Variants in SH3KBP1 observed in about 807,000 individuals in gnomAD.
SH3KBP1 encodes the protein SH3 domain containing kinase binding protein 1, also known as SH3 domain-containing kinase-binding protein 1.
Under a neutral mutation model 50.1 loss-of-function variants are expected in SH3KBP1, and 8 were observed. That is an observed-to-expected ratio of 0.16 (90% CI 0.09 to 0.29). The LOEUF is 0.29. SH3KBP1 is among the 10% of genes least tolerant of loss of function. The probability of loss-of-function intolerance (pLI) is 1.00; values close to 1 mark genes in which losing one functional copy is unlikely to be tolerated. For missense variants in SH3KBP1, 377 were observed against 535.2 expected (o/e 0.70, Z 2.92); for synonymous variants, 227 against 218.6 (o/e 1.04, Z -0.34).
intron 4 of SH3KBP1, 123 bp downstream of exon 4, chrX:19,706,758 G>A: frequency 2.0e-6 from 1 of 510,481 alleles, no homozygotes. Flanking sequence ...GACTCAACTA[G>A]AGGATCCCTA....
chrX:19,713,200 G>A (rs763579621), intron 3 of SH3KBP1, among the ~76,000 whole-genome samples: 30 of 110,839 alleles, frequency 2.7e-4, no homozygotes, highest in Admixed American at 2.6e-3. Flanking sequence ...CTGGATAACA[G>A]AGCGAGACTC....
chrX:19,618,385 CAAAAAAAAAAAA>C (rs1169013925), intron 8 of SH3KBP1, among the ~76,000 whole-genome samples: 2 of 18,217 alleles, frequency 1.1e-4, no homozygotes, highest in Non-Finnish European at 2.3e-4. Flanking sequence ...GACTCTGTCT[CAAAAAAAAAAAA>C]AAAAAAAAAA....
intron 2 of SH3KBP1, among the ~76,000 whole-genome samples, chrX:19,774,654 A>AAAAGAAAGAAAGAAAGAAAGAAAG (rs3999801): frequency 1.4e-4 from 11 of 77,281 alleles, no homozygotes; most frequent in South Asian, 1.4e-3. Context: ...GTCTCAAAAA[A>AAAAGAAAGAAAGAAAGAAAGAAAG]AAAGAAAGAA....
intron 10 of SH3KBP1, among the ~76,000 whole-genome samples, chrX:19,593,157 T>C (rs142403167): frequency 4.2e-4 from 47 of 112,149 alleles, no homozygotes; most frequent in South Asian, 7.5e-4. Flanking sequence ...GCCTCAGGCA[T>C]GTAAGAGCAC....
chrX:19,758,327 C>CA (rs60332447), intron 2 of SH3KBP1, among the ~76,000 whole-genome samples: 763 of 37,368 alleles, frequency 0.02, 23 homozygotes, highest in East Asian at 0.04. Flanking sequence ...GACTTCGTTT[C>CA]AAAAAAAAAA....
At chrX:19,659,455 G>A (rs1177834266) in intron 6 of SH3KBP1, among the ~76,000 whole-genome samples, 2 of 109,814 alleles carry the variant, frequency 1.8e-5, no homozygotes, top group African/African-American at 6.7e-5. Flanking sequence ...CTAGAGACAG[G>A]GTCTCACTAT....
intron 7 of SH3KBP1, among the ~76,000 whole-genome samples, chrX:19,633,801 C>G (rs1284313043): frequency 1.8e-5 from 2 of 111,811 alleles, no homozygotes; most frequent in African/African-American, 6.5e-5. Context: ...AGACATTCCC[C>G]ACCCTCTTCC....
At chrX:19,704,466 T>C (rs2063607729) in intron 4 of SH3KBP1, among the ~76,000 whole-genome samples, 2 of 112,987 alleles carry the variant, frequency 1.8e-5, no homozygotes, top group Admixed American at 9.3e-5. Context: ...AAAGTTATCT[T>C]CTATGACAGA....
intron 1 of SH3KBP1, among the ~76,000 whole-genome samples, chrX:19,857,258 G>C (rs941817077): frequency 1.8e-5 from 2 of 110,106 alleles, no homozygotes; most frequent in African/African-American, 6.6e-5. Flanking sequence ...GAGCAGAGAG[G>C]AAGTATAACT....
intron 11 of SH3KBP1, 26 bp downstream of exon 11, chrX:19,592,041 G>A (rs2066763726): frequency 8.9e-7 from 1 of 1,122,751 alleles, no homozygotes; most frequent in Non-Finnish European, 1.2e-6. Flanking sequence ...TGTTCTGGAA[G>A]TGCCAATGAA....
intron 2 of SH3KBP1, among the ~76,000 whole-genome samples, chrX:19,822,268 C>A (rs1044820911): frequency 1.8e-5 from 2 of 111,823 alleles, no homozygotes; most frequent in African/African-American, 3.2e-5. Flanking sequence ...ATTATCATAA[C>A]CTTCTTTTCT....
chrX:19,645,334 A>C, intron 7 of SH3KBP1, 66 bp downstream of exon 7: 1 of 884,877 alleles, frequency 1.1e-6, no homozygotes, highest in South Asian at 2.1e-5. Flanking sequence ...TTTCTAAAAA[A>C]CATTTCTGTT....
chrX:19,585,476 C>A (rs2066535039), intron 12 of SH3KBP1, among the ~76,000 whole-genome samples: 1 of 111,885 alleles, frequency 8.9e-6, no homozygotes, highest in South Asian at 3.7e-4. Flanking sequence ...TGGGGCCCAG[C>A]ACTAGGCTAA....
chrX:19,856,387 G>A (rs2068643008), intron 1 of SH3KBP1, among the ~76,000 whole-genome samples: 1 of 111,855 alleles, frequency 8.9e-6, no homozygotes, highest in African/African-American at 3.3e-5. Context: ...CATATAAGGA[G>A]CTAAAAAGTA....
intron 2 of SH3KBP1, among the ~76,000 whole-genome samples, chrX:19,831,514 G>A (rs1403691627): frequency 1.9e-5 from 2 of 108,044 alleles, no homozygotes; most frequent in Middle Eastern, 4.2e-3. Context: ...ATTCCTGACC[G>A]GGTGTGGTGG....
At chrX:19,730,497 G>A (rs1242828921) in intron 3 of SH3KBP1, among the ~76,000 whole-genome samples, 1 of 111,304 alleles carries the variant, frequency 9.0e-6, no homozygotes, top group African/African-American at 3.3e-5. Context: ...GCCCTAGGGA[G>A]AAAAGAAGGG....
intron 2 of SH3KBP1, among the ~76,000 whole-genome samples, chrX:19,774,710 G>GAAAGAAAGA (rs1321157215): frequency 4.9e-5 from 5 of 102,970 alleles, no homozygotes; most frequent in South Asian, 4.3e-4. Flanking sequence ...AAGAAAGAAA[G>GAAAGAAAGA]AAGAAACCTA....
Position 19,781,192 on chromosome X carries a change from T to C in SH3KBP1, c.163-34751A>G, listed in dbSNP as rs76357908. On this transcript the variant is annotated intron_variant, in intron 2 of 17. Transcript: ENST00000397821. ...CAATATAGCAGATACAATGTACCAG[T>C]ATGTCTAAGTCTAATATAGAGAATG... 4.3e-4 allele frequency among the ~76,000 whole-genome samples: 48 copies of C among 111,764 alleles called. No individual in the cohort carries two copies. In the East Asian group the frequency reaches 0.013, roughly 30 times the overall value.
chrX:19,588,947 T>C (rs908563085), intron 11 of SH3KBP1, 145 bp from the exon 12 acceptor site: 10 of 491,484 alleles, frequency 2.0e-5, no homozygotes, highest in African/African-American at 1.9e-4. Context: ...GCACCACTTA[T>C]TCTTTGTCAG....
Sources: gnomAD v4.1 joint callset for allele counts (sites outside exome capture counted in the v4.1 genomes callset) on GRCh38, gnomAD v4.1.1 for gene constraint, MANE v1.5 for transcripts, NCBI Gene and HGNC (gene_info 2026-07-23, HGNC 2026-07-21) for gene names.